The following TGIF2 variants were observed in gnomAD, a reference collection of about 807,000 sequenced individuals.
TGIF2 encodes TGFB induced factor homeobox 2.
A neutral mutation model predicts 15.1 loss-of-function variants in TGIF2; 5 were observed. The ratio of observed to expected loss-of-function variants is 0.33; its 90% confidence interval spans 0.17 to 0.70. The LOEUF (loss-of-function observed/expected upper bound fraction) is 0.70. Among genes scored for constraint, TGIF2 ranks in the 30% least tolerant of loss-of-function variants. The pLI is 0.67. For missense variants in TGIF2, 264 were observed against 302.5 expected (o/e 0.87, Z 0.94); for synonymous variants, 131 against 128.9 (o/e 1.02, Z -0.11).
At chr20:36,585,513 TAATC>T (rs1421363275) in intron 2 of TGIF2, among the ~76,000 whole-genome samples, 1 of 136,700 alleles carries the variant, frequency 7.3e-6, no homozygotes, top group Non-Finnish European at 1.6e-5. Context: ...GAGAATATAA[TAATC>T]AACCACCAGC....
chr20:36,589,598 G>C (rs1218454960), intron 2 of TGIF2, among the ~76,000 whole-genome samples: 1 of 152,088 alleles, frequency 6.6e-6, no homozygotes, highest in Non-Finnish European at 1.5e-5. Context: ...TCACTATGTT[G>C]GCCAGGCTGG....
At chr20:36,587,833 G>C (rs984856607) in intron 2 of TGIF2, among the ~76,000 whole-genome samples, 22 of 152,156 alleles carry the variant, frequency 1.4e-4, no homozygotes, top group Admixed American at 3.3e-4. Flanking sequence ...GGGAGGCTGA[G>C]GTGAGCAGAT....
In TGIF2 at chr20:36,592,094, C is replaced by T. The variant is rs2038778070; in HGVS notation, c.*663C>T. ...GGAATATTTTTATCTTGGGGACCAGCTAAGTCTCTGCAGTAGTGTGAAATT... is the reference window on the plus strand; with the variant it reads ...GGAATATTTTTATCTTGGGGACCAGTTAAGTCTCTGCAGTAGTGTGAAATT... On this transcript the variant is annotated 3_prime_UTR_variant, in exon 3 of 3. Coordinates refer to ENST00000373872, the MANE Select transcript of TGIF2 (RefSeq NM_021809.7). 2.6e-5 allele frequency: 4 copies of T among 151,480 alleles called. No individual in the cohort carries two copies. In the Admixed American group the frequency reaches 2.6e-4, roughly 10 times the overall value. The allele number at this position is 151,480 out of a possible 1,614,324, so 9.4% of individuals were successfully genotyped here. A position where few individuals can be genotyped will look rare whatever the true frequency, so the allele number is the denominator to read the frequency against.
intron 2 of TGIF2, among the ~76,000 whole-genome samples, chr20:36,584,418 G>A (rs2038610445): frequency 6.6e-6 from 1 of 152,194 alleles, no homozygotes; most frequent in Non-Finnish European, 1.5e-5. Context: ...TAATGTTGAA[G>A]TGGCAGAAAA....
At chr20:36,577,422 G>C (rs1420290914) in intron 1 of TGIF2, among the ~76,000 whole-genome samples, 3 of 151,252 alleles carry the variant, frequency 2.0e-5, no homozygotes, top group African/African-American at 7.3e-5. Flanking sequence ...TGTTGGCCAG[G>C]CTGGTCTCGA....
At position 36,592,198 on chromosome 20, in the gene TGIF2, A is replaced by AT. The variant is rs1483321490; in HGVS notation, c.*769dup. On this transcript the variant is annotated 3_prime_UTR_variant, in exon 3 of 3. Coordinates refer to ENST00000373872, the MANE Select transcript of TGIF2 (RefSeq NM_021809.7). ...AAAAAAAAAACAACCGTATGAGCGC[A>AT]TTGGCTTGTCTGCCGCAGGCACAGA... 1 of 152,060 alleles carries AT rather than the reference A, an allele frequency of 6.6e-6. No individual in the cohort carries two copies. The highest frequency in any genetic ancestry group is 1.5e-5 in the Non-Finnish European group (1 of 67,950). The allele number at this position is 152,060 out of a possible 1,614,324, so 9.4% of individuals were successfully genotyped here.
Sources: gnomAD v4.1 joint callset for allele counts (sites outside exome capture counted in the v4.1 genomes callset) on GRCh38, gnomAD v4.1.1 for gene constraint, MANE v1.5 for transcripts, NCBI Gene and HGNC (gene_info 2026-07-23, HGNC 2026-07-21) for gene names.